The following BNC2 variants were observed in gnomAD, a reference collection of about 807,000 sequenced individuals.
BNC2 encodes the protein basonuclin zinc finger protein 2.
Under a neutral mutation model 76.3 loss-of-function variants are expected in BNC2, and 20 were observed. The observed-to-expected ratio is 0.26, with a 90% confidence interval of 0.18 to 0.38. The LOEUF (loss-of-function observed/expected upper bound fraction) is 0.38, where lower values mean the gene tolerates loss of function less well. BNC2 is among the 10% of genes least tolerant of loss of function. The pLI is 1.00. For synonymous variants in BNC2, 582 were observed against 514.8 expected (o/e 1.13, Z -1.77); for missense variants, 1,382 against 1,399.8 (o/e 0.99, Z 0.20).
At chr9:16,592,018 G>A (rs1477874171) in intron 3 of BNC2, among the ~76,000 whole-genome samples, 1 of 151,892 alleles carries the variant, frequency 6.6e-6, no homozygotes, top group Non-Finnish European at 1.5e-5. Flanking sequence ...TGGGTTTGCT[G>A]GACTCACTAA....
intron 1 of BNC2, among the ~76,000 whole-genome samples, chr9:16,859,504 T>C (rs910691599): frequency 1.3e-5 from 2 of 152,214 alleles, no homozygotes; most frequent in African/African-American, 2.4e-5. Context: ...TGATGAAATA[T>C]TATTTAGCCT....
At chr9:16,796,070 T>C (rs1817639451) in intron 1 of BNC2, among the ~76,000 whole-genome samples, 1 of 152,064 alleles carries the variant, frequency 6.6e-6, no homozygotes, top group African/African-American at 2.4e-5. Flanking sequence ...CCCAAACCCA[T>C]CTCACTTCAA....
chr9:16,600,759 A>G (rs914821660), intron 3 of BNC2, among the ~76,000 whole-genome samples: 3 of 152,138 alleles, frequency 2.0e-5, no homozygotes, highest in Admixed American at 1.3e-4. Flanking sequence ...TTCTGGTGTT[A>G]GAAGTAATAT....
intron 4 of BNC2, among the ~76,000 whole-genome samples, chr9:16,554,617 C>T (rs896860474): frequency 2.0e-5 from 3 of 152,262 alleles, no homozygotes; most frequent in African/African-American, 7.2e-5. Context: ...CTCCACAGGG[C>T]ATTTAGACTG....
intron 3 of BNC2, among the ~76,000 whole-genome samples, chr9:16,653,676 G>A (rs753654336): frequency 2.6e-5 from 4 of 152,096 alleles, no homozygotes; most frequent in Non-Finnish European, 5.9e-5. Context: ...CTGCTCCTGT[G>A]GGGTTCATCT....
intron 1 of BNC2, among the ~76,000 whole-genome samples, chr9:16,820,142 A>G (rs1011042542): frequency 6.7e-6 from 1 of 148,834 alleles, no homozygotes; most frequent in East Asian, 2.0e-4. Context: ...AAAAAAAAAA[A>G]GGGCTGGGCG....
chr9:16,506,513 C>CTTTTT lies in BNC2; in HGVS notation c.669+46012_669+46016dup, dbSNP rs568955982. ...GTACACTTCTCTCTCTCTCTCTCCT[C>CTTTTT]TTTTTTTTTTTTTTTTTTTTTTTTT... On this transcript the variant is annotated intron_variant, in intron 5 of 6. Transcript: ENST00000380672. Among the ~76,000 whole-genome samples the CTTTTT allele has an allele frequency of 8.4e-3, 364 of 43,314 alleles. 63 individuals carry two copies. The highest frequency in any genetic ancestry group is 0.024 in the African/African-American group (293 of 12,376). 28.4% of individuals were successfully genotyped at this position (43,314 alleles called of 152,430 possible).
chr9:16,630,052 G>A (rs1371232025), intron 3 of BNC2, among the ~76,000 whole-genome samples: 6 of 152,188 alleles, frequency 3.9e-5, no homozygotes, highest in Admixed American at 1.3e-4. Context: ...TTCAAACTCT[G>A]CCACTGCTTC....
At chr9:16,770,505 T>C (rs377081804) in intron 1 of BNC2, among the ~76,000 whole-genome samples, 39 of 152,184 alleles carry the variant, frequency 2.6e-4, no homozygotes, top group African/African-American at 8.7e-4. Flanking sequence ...ATGACCCATA[T>C]GAATACTGGA....
intron 2 of BNC2, among the ~76,000 whole-genome samples, chr9:16,730,421 G>A (rs1263420527): frequency 6.6e-6 from 1 of 152,220 alleles, no homozygotes. Context: ...AGACCCTGCT[G>A]TGAACAATCT....
At chr9:16,489,408 T>C (rs1158713834) in intron 5 of BNC2, among the ~76,000 whole-genome samples, 1 of 152,230 alleles carries the variant, frequency 6.6e-6, no homozygotes, top group Non-Finnish European at 1.5e-5. Flanking sequence ...TACCTTTCAT[T>C]GAGATAAGAG....
intron 1 of BNC2, among the ~76,000 whole-genome samples, chr9:16,858,105 G>T (rs1449231339): frequency 6.6e-6 from 1 of 152,098 alleles, no homozygotes; most frequent in Non-Finnish European, 1.5e-5. Context: ...ATAATTTTTA[G>T]TTTTATCTCT....
rs371865335 is a variant in BNC2 at position 16,437,427 on chromosome 9, G to C, written c.767C>G (p.Ser256Cys). The C allele has an allele frequency of 1.2e-5, 19 of 1,612,046 alleles. No homozygotes were observed. The highest frequency in any genetic ancestry group is 1.6e-5 in the Non-Finnish European group (19 of 1,178,734). Residue 256 changes from serine (S) to cysteine (C), a missense_variant, in exon 6 of 7, where the codon TCC becomes TGC. Ser to Cys is a moderately radical substitution (Grantham distance 112). Transcript: ENST00000380672. ...CTGAATTGCCATCAGCTCCACAATG[G>C]ATTTGGTTTCTCCAAACCGCAGAAA... ...QQFLRFGETK[S>C]IVELMAIQEK...
chr9:16,726,244 A>G (rs1410897503), intron 3 of BNC2, among the ~76,000 whole-genome samples: 3 of 152,212 alleles, frequency 2.0e-5, no homozygotes, highest in East Asian at 3.8e-4. Flanking sequence ...TTGCACATGA[A>G]GAGTTACTTA....
chr9:16,467,696 G>T (rs1229546385), intron 5 of BNC2, among the ~76,000 whole-genome samples: 2 of 142,544 alleles, frequency 1.4e-5, no homozygotes, highest in South Asian at 2.5e-4. Context: ...GTCGTGGGAG[G>T]GGGGAGGGAT....
intron 3 of BNC2, among the ~76,000 whole-genome samples, chr9:16,623,966 T>C (rs1448775014): frequency 6.6e-6 from 1 of 152,208 alleles, no homozygotes. Context: ...ATCATATTGA[T>C]CTCAAAAGAT....
intron 1 of BNC2, among the ~76,000 whole-genome samples, chr9:16,853,073 T>C (rs1419889870): frequency 6.6e-6 from 1 of 151,562 alleles, no homozygotes; most frequent in Non-Finnish European, 1.5e-5. Context: ...CTTCTAGGAG[T>C]AGTGGGAGGA....
At chr9:16,668,573 G>A (rs1488920216) in intron 3 of BNC2, among the ~76,000 whole-genome samples, 1 of 152,154 alleles carries the variant, frequency 6.6e-6, no homozygotes, top group African/African-American at 2.4e-5. Flanking sequence ...CAATGACTAG[G>A]CCTATGCTAA....
chr9:16,539,707 G>A (rs1177027005), intron 5 of BNC2, among the ~76,000 whole-genome samples: 2 of 130,198 alleles, frequency 1.5e-5, no homozygotes, highest in Non-Finnish European at 3.1e-5. Context: ...AGGAAGGGAG[G>A]AAGGAAGGAA....
Sources: allele counts gnomAD v4.1 joint callset (sites outside exome capture counted in the v4.1 genomes callset), GRCh38; gene constraint gnomAD v4.1.1; transcripts MANE v1.5; gene names NCBI Gene and HGNC (gene_info 2026-07-23, HGNC 2026-07-21).